MYRIP: variants seen among roughly 807,000 people sequenced by gnomAD.
The protein encoded by MYRIP is myosin VIIA and Rab interacting protein, also known as rab effector MyRIP.
Under a neutral mutation model 98.0 loss-of-function variants are expected in MYRIP, and 49 were observed. The observed-to-expected ratio is 0.50, with a 90% CI of 0.40 to 0.63. The LOEUF (loss-of-function observed/expected upper bound fraction) is 0.63. Among genes scored for constraint, MYRIP ranks in the 30% least tolerant of loss-of-function variants. The probability of loss-of-function intolerance (pLI) is 0.00; values close to 1 mark genes in which losing one functional copy is unlikely to be tolerated. For synonymous variants in MYRIP, 404 were observed against 409.5 expected, an observed-to-expected ratio of 0.99 and a Z score of 0.16; for missense variants, 1,004 against 1,058.2, an observed-to-expected ratio of 0.95 and a Z score of 0.71.
intron 3 of MYRIP, among the ~76,000 whole-genome samples, chr3:40,089,104 A>G (rs1211110995): frequency 6.6e-6 from 1 of 152,094 alleles, no homozygotes; most frequent in African/African-American, 2.4e-5. Context: ...AGGGCGGATG[A>G]TGCATGGATG....
At chr3:40,018,823 G>A (rs1231035091) in intron 2 of MYRIP, among the ~76,000 whole-genome samples, 1 of 152,060 alleles carries the variant, frequency 6.6e-6, no homozygotes, top group Admixed American at 6.6e-5. Flanking sequence ...CAAAAAATAA[G>A]CATGAGAAAA....
intron 3 of MYRIP, among the ~76,000 whole-genome samples, chr3:40,057,077 G>T (rs780195060): frequency 6.6e-6 from 1 of 152,102 alleles, no homozygotes; most frequent in African/African-American, 2.4e-5. Flanking sequence ...CCCTAAAGAA[G>T]AGCCCTTTAG....
chr3:39,950,041 T>A (rs1287416445), intron 2 of MYRIP, among the ~76,000 whole-genome samples: 1 of 152,198 alleles, frequency 6.6e-6, no homozygotes, highest in Non-Finnish European at 1.5e-5. Context: ...CAGCATTTAG[T>A]TTGAATGTCT....
chr3:40,192,275 T>A (rs972025476), intron 10 of MYRIP, among the ~76,000 whole-genome samples: 1 of 91,456 alleles, frequency 1.1e-5, no homozygotes, highest in African/African-American at 4.5e-5. Flanking sequence ...TAATTCTCCC[T>A]CTGATTTCAT....
chr3:40,100,434 A>C (rs1338569466), intron 3 of MYRIP, among the ~76,000 whole-genome samples: 1 of 152,244 alleles, frequency 6.6e-6, no homozygotes, highest in Non-Finnish European at 1.5e-5. Context: ...ATATCTGTGC[A>C]AACATTAAGA....
At chr3:39,962,048 G>A (rs1575417172) in intron 2 of MYRIP, among the ~76,000 whole-genome samples, 1 of 152,058 alleles carries the variant, frequency 6.6e-6, no homozygotes, top group South Asian at 2.1e-4. Flanking sequence ...GTATAGCATG[G>A]TAATCGACAC....
At chr3:40,054,989 G>A (rs749651887) in intron 3 of MYRIP, among the ~76,000 whole-genome samples, 7 of 152,170 alleles carry the variant, frequency 4.6e-5, no homozygotes, top group Non-Finnish European at 8.8e-5. Context: ...AGCAATTAGG[G>A]TAATAAGAAA....
chr3:39,902,406 T>C (rs1413776306), intron 2 of MYRIP, among the ~76,000 whole-genome samples: 2 of 152,222 alleles, frequency 1.3e-5, no homozygotes, highest in African/African-American at 4.8e-5. Flanking sequence ...CTATTTTACA[T>C]TGAGACCAGT....
intron 2 of MYRIP, among the ~76,000 whole-genome samples, chr3:39,955,368 A>G (rs569867857): frequency 6.6e-5 from 10 of 152,302 alleles, no homozygotes; most frequent in African/African-American, 1.7e-4. Context: ...GTGGGGGCCA[A>G]TATTCAACAT....
intron 3 of MYRIP, among the ~76,000 whole-genome samples, chr3:40,084,292 GATAT>G (rs1255847794): frequency 3.0e-5 from 1 of 33,068 alleles, no homozygotes. Context: ...ATTATATATC[GATAT>G]ATAATACACA....
At chr3:40,054,174 G>T (rs1947841595) in intron 3 of MYRIP, among the ~76,000 whole-genome samples, 1 of 152,128 alleles carries the variant, frequency 6.6e-6, no homozygotes, top group Non-Finnish European at 1.5e-5. Context: ...CCATGACCTT[G>T]CACATGAGGT....
chr3:39,884,806 A>ATTTTTT (rs10662369), intron 1 of MYRIP, among the ~76,000 whole-genome samples: 39 of 137,316 alleles, frequency 2.8e-4, no homozygotes, highest in African/African-American at 9.3e-4. Context: ...TACAGTCATT[A>ATTTTTT]TTATTTTTTT....
In MYRIP at chr3:40,236,133, G is replaced by A. The variant is rs917650017; in HGVS notation, c.2100+2080G>A. ...TATAATGCTGTATTTTTACTGTACCGTTTCTATGTTTAGATACACAAATAA... is the reference window on the plus strand; with the variant it reads ...TATAATGCTGTATTTTTACTGTACCATTTCTATGTTTAGATACACAAATAA... On this transcript the variant is annotated intron_variant, in intron 12 of 16. Transcript: ENST00000302541. Among the ~76,000 whole-genome samples the A allele has an allele frequency of 1.3e-4, 20 of 152,066 alleles. 1 individual carries two copies. The highest frequency in any genetic ancestry group is 4.6e-4 in the Admixed American group (7 of 15,274).
chr3:39,829,861 T>C (rs922344952), intron 1 of MYRIP, among the ~76,000 whole-genome samples: 1 of 152,192 alleles, frequency 6.6e-6, no homozygotes, highest in Non-Finnish European at 1.5e-5. Context: ...GTATGCCAAG[T>C]TGTGAATGCA....
At chr3:40,043,339 AT>A (rs1001614150) in intron 2 of MYRIP, among the ~76,000 whole-genome samples, 7 of 151,676 alleles carry the variant, frequency 4.6e-5, no homozygotes, top group African/African-American at 1.2e-4. Flanking sequence ...ATTCAGGGTA[AT>A]TTTTTTTCTT....
At chr3:40,238,788 G>A (rs1952902367) in intron 12 of MYRIP, 1 of 152,162 alleles carries the variant, frequency 6.6e-6, no homozygotes, top group South Asian at 2.1e-4. Context: ...AAATACTTCT[G>A]AAGGTTTCAG....
At chr3:40,036,312 A>AC (rs1947382330) in intron 2 of MYRIP, among the ~76,000 whole-genome samples, 3 of 148,218 alleles carry the variant, frequency 2.0e-5, no homozygotes, top group South Asian at 4.3e-4. Context: ...CAAAAAAAAA[A>AC]AAAAAAAAAA....
chr3:40,240,101 G>A (rs1225497384), intron 12 of MYRIP, among the ~76,000 whole-genome samples: 2 of 142,472 alleles, frequency 1.4e-5, no homozygotes, highest in Admixed American at 1.4e-4. Context: ...GTAAGGAAGG[G>A]ATCCAGTTTC....
chr3:39,919,607 T>A (rs1161659046), intron 2 of MYRIP, among the ~76,000 whole-genome samples: 2 of 152,118 alleles, frequency 1.3e-5, no homozygotes, highest in African/African-American at 2.4e-5. Context: ...AGCGCTTATG[T>A]TGCTGTAACA....
Sources: allele counts gnomAD v4.1 joint callset (sites outside exome capture counted in the v4.1 genomes callset), GRCh38; gene constraint gnomAD v4.1.1; transcripts MANE v1.5; gene names NCBI Gene and HGNC (gene_info 2026-07-23, HGNC 2026-07-21).